Variants in WWOX observed in about 807,000 individuals in gnomAD.
WWOX encodes the protein WW domain-containing oxidoreductase.
A neutral mutation model predicts 46.2 loss-of-function variants in WWOX; 69 were observed. That is an observed-to-expected ratio of 1.49 (90% confidence interval 1.23 to 1.82). The LOEUF is 1.82. WWOX is among the 40% of genes most tolerant of loss of function. WWOX has a pLI of 0.00. For missense variants in WWOX, 919 were observed against 542.6 expected, an observed-to-expected ratio of 1.69 and a Z score of -6.89; for synonymous variants, 359 against 202.6, an observed-to-expected ratio of 1.77 and a Z score of -6.56.
chr16:78,323,951 G>T (rs942665268), intron 5 of WWOX, among the ~76,000 whole-genome samples: 2 of 152,170 alleles, frequency 1.3e-5, no homozygotes, highest in Non-Finnish European at 2.9e-5. Context: ...GCAGCTGGGT[G>T]CTGGGCACTG....
chr16:79,006,057 C>T (rs1417689973), intron 8 of WWOX, among the ~76,000 whole-genome samples: 1 of 152,140 alleles, frequency 6.6e-6, no homozygotes, highest in African/African-American at 2.4e-5. Context: ...GCTGAGTGAA[C>T]CCATATCAAC....
rs544270891 is a variant in WWOX, at chr16:78,635,347, T to C, written c.1056+202595T>C. ...GAAGGATGGCAGGTGGACTTGGATC[T>C]AGGCCACTCCCTTAGATCCTGATTA... On this transcript the variant is annotated intron_variant, in intron 8 of 8. Coordinates refer to ENST00000566780, the MANE Select transcript of WWOX (RefSeq NM_016373.4). Among the ~76,000 whole-genome samples the C allele has an allele frequency of 1.2e-4, 19 of 152,308 alleles. No individual in the cohort carries two copies. In the East Asian group the frequency reaches 3.7e-3, roughly 29 times the overall value.
chr16:78,317,050 G>C (rs2080370298), intron 5 of WWOX, among the ~76,000 whole-genome samples: 1 of 152,224 alleles, frequency 6.6e-6, no homozygotes, highest in African/African-American at 2.4e-5. Context: ...AGCCTGCACA[G>C]TAAGTAGGCC....
intron 8 of WWOX, among the ~76,000 whole-genome samples, chr16:78,900,533 T>G (rs1172952746): frequency 6.6e-6 from 1 of 152,216 alleles, no homozygotes; most frequent in Non-Finnish European, 1.5e-5. Context: ...AAGAATTTTC[T>G]AAGCAGAGGT....
At chr16:78,607,524 C>A (rs182049985) in intron 8 of WWOX, among the ~76,000 whole-genome samples, 1 of 152,190 alleles carries the variant, frequency 6.6e-6, no homozygotes, top group African/African-American at 2.4e-5. Context: ...CAAAGTCTTA[C>A]ACCTGAAACC....
chr16:79,177,334 T>C (rs1240818286), intron 8 of WWOX, among the ~76,000 whole-genome samples: 1 of 151,974 alleles, frequency 6.6e-6, no homozygotes, highest in Non-Finnish European at 1.5e-5. Flanking sequence ...AAATTTTCCC[T>C]GTTAAAGTAC....
At position 78,631,527 on chromosome 16, in the gene WWOX, G is replaced by A. The variant is rs1019173580; in HGVS notation, c.1056+198775G>A. On this transcript the variant is annotated intron_variant, in intron 8 of 8. Coordinates refer to ENST00000566780, the MANE Select transcript of WWOX (RefSeq NM_016373.4). ...AGATTATGTTCAACAGATATTTTCA[G>A]TGTTAAAATATTCTTTTTTTTTTTT... 4.0e-5 allele frequency among the ~76,000 whole-genome samples: 6 copies of A among 149,454 alleles called. No homozygotes were observed. In the South Asian group the frequency reaches 1.3e-3, roughly 32 times the overall value.
At chr16:78,858,714 T>G (rs946748720) in intron 8 of WWOX, among the ~76,000 whole-genome samples, 3 of 151,988 alleles carry the variant, frequency 2.0e-5, no homozygotes, top group Non-Finnish European at 4.4e-5. Context: ...GTGTCTTACT[T>G]CATCACCCAT....
At chr16:78,116,753 G>A (rs888841167) in intron 4 of WWOX, among the ~76,000 whole-genome samples, 1 of 152,116 alleles carries the variant, frequency 6.6e-6, no homozygotes, top group East Asian at 1.9e-4. Flanking sequence ...GGACTTAAGG[G>A]CTTAAAAATG....
intron 5 of WWOX, among the ~76,000 whole-genome samples, chr16:78,341,287 G>A (rs2081009486): frequency 8.3e-6 from 1 of 119,968 alleles, no homozygotes; most frequent in African/African-American, 2.8e-5. Context: ...TTATAGGCAT[G>A]AATCGCTGTG....
rs564724156 is a variant in WWOX at position 78,191,141 on chromosome 16, A to G, written c.516+26852A>G. Among the ~76,000 whole-genome samples the G allele has an allele frequency of 2.0e-3, 305 of 152,278 alleles. 1 individual carries two copies. The highest frequency in any genetic ancestry group is 5.8e-3 in the African/African-American group (241 of 41,568). The stretch of plus-strand genomic sequence containing the variant: ...CCGCTGGACCACTGGATCCAGCTGG[A>G]CCGCTAGACCACAGAGCCCCTGGAG... On this transcript the variant is annotated intron_variant, in intron 5 of 8. Transcript: ENST00000566780.
At chr16:78,195,763 C>T (rs1052039779) in intron 5 of WWOX, among the ~76,000 whole-genome samples, 1 of 133,794 alleles carries the variant, frequency 7.5e-6, no homozygotes, top group Non-Finnish European at 1.5e-5. Context: ...CAGAGGTTGG[C>T]GTGAGCTGAG....
In WWOX at chr16:78,748,221, C is replaced by T. The variant is rs1242278396; in HGVS notation, c.1056+315469C>T. On this transcript the variant is annotated intron_variant, in intron 8 of 8. Coordinates refer to ENST00000566780, the MANE Select transcript of WWOX (RefSeq NM_016373.4). ...AAGCTAGGGCAGTGTCCACTCAATACATATCTGATGAATGAATGAATGAAC... is the reference window on the plus strand; with the variant it reads ...AAGCTAGGGCAGTGTCCACTCAATATATATCTGATGAATGAATGAATGAAC... 2.6e-5 allele frequency among the ~76,000 whole-genome samples: 4 copies of T among 152,186 alleles called. No individual in the cohort carries two copies. The East Asian group carries it at 7.7e-4, about 29-fold the overall frequency.
At chr16:78,446,542 C>A (rs1045365345) in intron 8 of WWOX, among the ~76,000 whole-genome samples, 1 of 151,712 alleles carries the variant, frequency 6.6e-6, no homozygotes, top group African/African-American at 2.4e-5. Flanking sequence ...TTTTACTACT[C>A]CTATTATTGA....
intron 8 of WWOX, among the ~76,000 whole-genome samples, chr16:79,050,424 C>T (rs2048144779): frequency 6.6e-6 from 1 of 152,202 alleles, no homozygotes; most frequent in African/African-American, 2.4e-5. Flanking sequence ...AAATGCAAGA[C>T]AGCAACTCAA....
At chr16:78,728,627 C>A (rs540826094) in intron 8 of WWOX, among the ~76,000 whole-genome samples, 2 of 152,306 alleles carry the variant, frequency 1.3e-5, no homozygotes, top group African/African-American at 4.8e-5. Context: ...CCTCACAGAG[C>A]TTCTGGAAGG....
chr16:78,757,837 A>T (rs1204403089), intron 8 of WWOX, among the ~76,000 whole-genome samples: 1 of 151,982 alleles, frequency 6.6e-6, no homozygotes, highest in East Asian at 1.9e-4. Context: ...GCCTCTTCTG[A>T]CAAGTCCACC....
At chr16:78,447,242 G>A (rs2083582112) in intron 8 of WWOX, among the ~76,000 whole-genome samples, 2 of 152,124 alleles carry the variant, frequency 1.3e-5, no homozygotes, top group African/African-American at 4.8e-5. Context: ...AACTAGATCT[G>A]TAACTCTGTA....
At chr16:78,383,122 A>G (rs2081990479) in intron 5 of WWOX, among the ~76,000 whole-genome samples, 1 of 151,198 alleles carries the variant, frequency 6.6e-6, no homozygotes, top group South Asian at 2.1e-4. Context: ...CAGCCCCATG[A>G]TCCAATCACC....
Sources: gnomAD v4.1 joint callset for allele counts (sites outside exome capture counted in the v4.1 genomes callset) on GRCh38, gnomAD v4.1.1 for gene constraint, MANE v1.5 for transcripts, NCBI Gene and HGNC (gene_info 2026-07-23, HGNC 2026-07-21) for gene names.